The following RARB variants were observed in gnomAD, a reference collection of about 807,000 sequenced individuals.
The protein encoded by RARB is retinoic acid receptor beta, also known as HBV-activated protein.
In RARB, 17 loss-of-function variants were observed where a neutral mutation model predicts 51.9. The observed-to-expected ratio is 0.33, with a 90% CI of 0.22 to 0.49. The LOEUF (loss-of-function observed/expected upper bound fraction) is 0.49, where lower values mean the gene tolerates loss of function less well. Ranked by LOEUF, RARB falls within the 20% of genes least tolerant of loss-of-function variation. The pLI, the probability that RARB is intolerant of heterozygous loss-of-function variation, is 0.99. For missense variants in RARB, 369 were observed against 550.8 expected, an observed-to-expected ratio of 0.67 and a Z score of 3.30; for synonymous variants, 215 against 195.4, an observed-to-expected ratio of 1.10 and a Z score of -0.84.
At chr3:25,202,755 T>A (rs1463408280) in intron 5 of RARB, among the ~76,000 whole-genome samples, 2 of 152,198 alleles carry the variant, frequency 1.3e-5, no homozygotes, top group Non-Finnish European at 2.9e-5. Context: ...TTGAGTGAGT[T>A]TCTTAATCCT....
chr3:25,188,275 C>T lies in RARB; in HGVS notation c.178+13700C>T, dbSNP rs557828661. ...ATCATTGAATACTCATTGCTCAGAGCTTGGTGCTTGGCACATAGTAGGTGC... is the reference window on the plus strand; with the variant it reads ...ATCATTGAATACTCATTGCTCAGAGTTTGGTGCTTGGCACATAGTAGGTGC... On this transcript the variant is annotated intron_variant, in intron 5 of 11. Coordinates refer to the RARB transcript ENST00000383772. 3.3e-5 allele frequency among the ~76,000 whole-genome samples: 5 copies of T among 152,132 alleles called. No individual in the cohort carries two copies. In the East Asian group the frequency reaches 9.7e-4, roughly 30 times the overall value.
chr3:25,086,424 C>T (rs1417827182), intron 3 of RARB, among the ~76,000 whole-genome samples: 1 of 152,130 alleles, frequency 6.6e-6, no homozygotes, highest in East Asian at 1.9e-4. Flanking sequence ...GAAGTCAGGA[C>T]ATTTTTTCTC....
chr3:25,487,764 A>G (rs1223043323), intron 2 of RARB, among the ~76,000 whole-genome samples: 2 of 152,166 alleles, frequency 1.3e-5, no homozygotes, highest in African/African-American at 2.4e-5. Context: ...GGATGAAAGC[A>G]TTACTTTTGT....
At position 25,018,479 on chromosome 3, in the gene RARB, C is replaced by A. The variant is rs1333243332; in HGVS notation, c.-379-41646C>A. ...GTTGTCAAGAATGTTAGCATCTTGA[C>A]AATAGGCCTCAAAGTCTTGATGATT... On this transcript the variant is annotated intron_variant, in intron 2 of 11. Transcript: ENST00000383772. Among the ~76,000 whole-genome samples, 4 of 152,170 alleles carry A rather than the reference C, an allele frequency of 2.6e-5. No homozygotes were observed. In the South Asian group the frequency reaches 8.3e-4, roughly 32 times the overall value.
At position 25,270,625 on chromosome 3, in the gene RARB, G is replaced by A. The variant is rs377083652; in HGVS notation, c.178+96050G>A. ...AAACTTAATGGGGAGAGAATAAGCC[G>A]TGTTATCCCAGCCTATCACTGATAA... is the stretch of plus-strand genomic sequence containing the variant. On this transcript the variant is annotated intron_variant, in intron 5 of 11. Transcript: ENST00000383772. Among the ~76,000 whole-genome samples, 6 of 152,284 alleles carry A rather than the reference G, an allele frequency of 3.9e-5. No individual in the cohort carries two copies. In the South Asian group the frequency reaches 8.3e-4, roughly 21 times the overall value.
chr3:24,931,692 C>G (rs759734174), intron 2 of RARB, among the ~76,000 whole-genome samples: 1 of 152,104 alleles, frequency 6.6e-6, no homozygotes, highest in Admixed American at 6.6e-5. Flanking sequence ...TTGCAAGCAC[C>G]TGTGCACATG....
intron 5 of RARB, among the ~76,000 whole-genome samples, chr3:25,331,307 G>C (rs1035449451): frequency 3.9e-5 from 6 of 152,164 alleles, no homozygotes; most frequent in African/African-American, 1.4e-4. Context: ...TAAAAGAACA[G>C]AAATTATAAC....
At chr3:24,857,780 G>A (rs1198771420) in intron 1 of RARB, among the ~76,000 whole-genome samples, 1 of 152,118 alleles carries the variant, frequency 6.6e-6, no homozygotes, top group Non-Finnish European at 1.5e-5. Context: ...ACAAAAAATA[G>A]CTTGAAGTGG....
At chr3:25,353,309 A>G (rs1341469024) in intron 5 of RARB, among the ~76,000 whole-genome samples, 1 of 152,136 alleles carries the variant, frequency 6.6e-6, no homozygotes, top group South Asian at 2.1e-4. Context: ...TTAATTTTAT[A>G]TCACCATACT....
chr3:25,021,115 G>A (rs1026652917), intron 2 of RARB, among the ~76,000 whole-genome samples: 4 of 152,284 alleles, frequency 2.6e-5, no homozygotes, highest in African/African-American at 9.6e-5. Context: ...GATGGTGAAC[G>A]CTGTTGTAAA....
At chr3:25,341,159 A>G (rs1209110057) in intron 5 of RARB, among the ~76,000 whole-genome samples, 1 of 152,130 alleles carries the variant, frequency 6.6e-6, no homozygotes, top group African/African-American at 2.4e-5. Flanking sequence ...TGGAGACCAA[A>G]AGTCTTCTGT....
chr3:24,900,077 C>A (rs1015716619), intron 2 of RARB, among the ~76,000 whole-genome samples: 1 of 152,188 alleles, frequency 6.6e-6, no homozygotes, highest in Non-Finnish European at 1.5e-5. Flanking sequence ...ATGTACAGGG[C>A]AAGTCCCATC....
At chr3:25,503,836 G>T (rs575028671) in intron 3 of RARB, among the ~76,000 whole-genome samples, 1 of 152,204 alleles carries the variant, frequency 6.6e-6, no homozygotes, top group Admixed American at 6.5e-5. Context: ...CTCATAGAAT[G>T]TTAGAAGTGA....
intron 5 of RARB, among the ~76,000 whole-genome samples, chr3:25,343,019 G>C (rs1195284775): frequency 8.9e-6 from 1 of 111,926 alleles, no homozygotes; most frequent in African/African-American, 3.7e-5. Flanking sequence ...CATTTTGCAA[G>C]TACTTTGTGT....
rs79252658 is a variant in RARB, at chr3:25,186,340, G to A, written c.178+11765G>A. Among the ~76,000 whole-genome samples the A allele has an allele frequency of 3.1e-4, 47 of 151,742 alleles. No homozygotes were observed. The East Asian group carries it at 4.5e-3, about 14-fold the overall frequency. ...GATCATCAGATACTTTGAAACACAC[G>A]GCTGGTGAGATCCTACACTGGTATA... On this transcript the variant is annotated intron_variant, in intron 5 of 11. Coordinates refer to the RARB transcript ENST00000383772.
intron 2 of RARB, among the ~76,000 whole-genome samples, chr3:25,493,409 T>C (rs1696847614): frequency 6.6e-6 from 1 of 152,176 alleles, no homozygotes; most frequent in Non-Finnish European, 1.5e-5. Context: ...GTAGCTGTGA[T>C]GGGATTATTC....
intron 3 of RARB, among the ~76,000 whole-genome samples, chr3:25,524,150 C>A (rs1698533298): frequency 6.6e-6 from 1 of 152,150 alleles, no homozygotes; most frequent in South Asian, 2.1e-4. Flanking sequence ...AGAACTGCTA[C>A]CTTTCCCTCC....
intron 5 of RARB, among the ~76,000 whole-genome samples, chr3:25,329,290 C>A (rs1704820300): frequency 6.6e-6 from 1 of 152,110 alleles, no homozygotes; most frequent in African/African-American, 2.4e-5. Context: ...GGCTGACTGA[C>A]ACCTCATACG....
At chr3:24,881,346 A>G (rs116588004) in intron 2 of RARB, among the ~76,000 whole-genome samples, 208 of 152,308 alleles carry the variant, frequency 1.4e-3, no homozygotes, top group African/African-American at 4.8e-3. Context: ...TCTGAGATCA[A>G]AATTTTTGAT....
Sources: allele counts gnomAD v4.1 joint callset (sites outside exome capture counted in the v4.1 genomes callset), GRCh38; gene constraint gnomAD v4.1.1; transcripts MANE v1.5; gene names NCBI Gene and HGNC (gene_info 2026-07-23, HGNC 2026-07-21).